Variants in DLG2 observed in about 807,000 individuals in gnomAD.
DLG2 encodes disks large homolog 2.
DLG2 carries 45 observed loss-of-function variants against 132.5 expected under a neutral mutation model. The observed-to-expected ratio is 0.34, with a 90% CI of 0.27 to 0.44. The LOEUF (loss-of-function observed/expected upper bound fraction) is 0.44, where lower values mean the gene tolerates loss of function less well. DLG2 is among the 20% of genes least tolerant of loss of function. The probability of loss-of-function intolerance (pLI) is 1.00; values close to 1 mark genes in which losing one functional copy is unlikely to be tolerated. For synonymous variants in DLG2, 424 were observed against 419.6 expected, an observed-to-expected ratio of 1.01 and a Z score of -0.13; for missense variants, 1,045 against 1,196.9, an observed-to-expected ratio of 0.87 and a Z score of 1.87.
chr11:83,908,559 G>A (rs577372069), intron 15 of DLG2, among the ~76,000 whole-genome samples: 1 of 152,044 alleles, frequency 6.6e-6, no homozygotes, highest in South Asian at 2.1e-4. Flanking sequence ...TCACACCCAC[G>A]ATTAGCATTT....
At chr11:85,296,621 C>T (rs182710604) in intron 3 of DLG2, among the ~76,000 whole-genome samples, 2 of 151,292 alleles carry the variant, frequency 1.3e-5, no homozygotes, top group Admixed American at 1.3e-4. Context: ...TATTTTTTGG[C>T]AGATTAATAA....
At chr11:84,704,277 G>A (rs1423750121) in intron 6 of DLG2, among the ~76,000 whole-genome samples, 1 of 151,372 alleles carries the variant, frequency 6.6e-6, no homozygotes, top group Non-Finnish European at 1.5e-5. Flanking sequence ...AAATTATAAG[G>A]AGTCTAAATC....
At chr11:84,201,636 T>C (rs987542110) in intron 8 of DLG2, among the ~76,000 whole-genome samples, 1 of 151,292 alleles carries the variant, frequency 6.6e-6, no homozygotes, top group Non-Finnish European at 1.5e-5. Flanking sequence ...ACAGAACACA[T>C]TACTGGTCTA....
At chr11:83,997,420 C>T (rs2094100953) in intron 11 of DLG2, among the ~76,000 whole-genome samples, 1 of 151,912 alleles carries the variant, frequency 6.6e-6, no homozygotes, top group South Asian at 2.1e-4. Flanking sequence ...TTTAACTTGG[C>T]CTGATAAAAA....
At chr11:85,338,392 G>A (rs2082267010) in intron 3 of DLG2, among the ~76,000 whole-genome samples, 1 of 152,124 alleles carries the variant, frequency 6.6e-6, no homozygotes, top group African/African-American at 2.4e-5. Context: ...TTATGATAAT[G>A]TTTTCACAGT....
chr11:83,556,843 C>T (rs662545), intron 19 of DLG2, among the ~76,000 whole-genome samples: 47,794 of 152,056 alleles, frequency 0.31, 8,532 homozygotes, highest in Admixed American at 0.47. Context: ...GGAAGGCAAG[C>T]TGGGATGATG....
At chr11:84,575,336 C>T (rs1179656756) in intron 6 of DLG2, among the ~76,000 whole-genome samples, 2 of 152,060 alleles carry the variant, frequency 1.3e-5, no homozygotes, top group Admixed American at 6.6e-5. Flanking sequence ...CCCACACCCC[C>T]CATGGAGCAT....
chr11:85,177,286 TAC>T (rs149186312), intron 4 of DLG2, among the ~76,000 whole-genome samples: 16,668 of 136,102 alleles, frequency 0.12, 1,216 homozygotes, highest in East Asian at 0.32. Context: ...TATATACATA[TAC>T]ACACACACAC....
chr11:84,055,149 T>G (rs542280635), intron 11 of DLG2, among the ~76,000 whole-genome samples: 120 of 152,192 alleles, frequency 7.9e-4, no homozygotes, highest in African/African-American at 2.8e-3. Context: ...AGGTTCCCTC[T>G]GTCCTCAGAG....
chr11:83,705,365 T>C (rs2083734114), intron 18 of DLG2, among the ~76,000 whole-genome samples: 2 of 152,196 alleles, frequency 1.3e-5, no homozygotes, highest in Non-Finnish European at 2.9e-5. Context: ...ATATCTGAAT[T>C]TTCCATATAG....
chr11:83,457,657 C>T lies in DLG2; in HGVS notation c.*2161G>A, dbSNP rs1237375122. The T allele has an allele frequency of 2.6e-5, 4 of 152,256 alleles. No homozygotes were observed. Among genetic ancestry groups the T allele is most frequent in the Non-Finnish European group, 5.9e-5 (4 of 68,028 alleles). The allele number at this position is 152,256 out of a possible 1,614,324, so 9.4% of individuals were successfully genotyped here. On this transcript the variant is annotated 3_prime_UTR_variant, in exon 28 of 28. Coordinates refer to ENST00000376104, the MANE Select transcript of DLG2 (RefSeq NM_001142699.3). ...AATGGTTGCATGCTCAGTTGAGAAA[C>T]CAAAGAAGTTATCGTGGTGGCCTAA...
intron 4 of DLG2, among the ~76,000 whole-genome samples, chr11:85,200,515 G>T (rs1187670450): frequency 6.6e-6 from 1 of 152,134 alleles, no homozygotes; most frequent in Admixed American, 6.5e-5. Flanking sequence ...TCCCAAGGCG[G>T]CCCAGTCTCA....
At chr11:85,352,741 A>G (rs1247192484) in intron 3 of DLG2, among the ~76,000 whole-genome samples, 1 of 152,212 alleles carries the variant, frequency 6.6e-6, no homozygotes, top group African/African-American at 2.4e-5. Flanking sequence ...TCGGGAAAGG[A>G]TTCCCTATTT....
chr11:84,027,459 C>T (rs2095567046), intron 11 of DLG2, among the ~76,000 whole-genome samples: 1 of 151,710 alleles, frequency 6.6e-6, no homozygotes, highest in Non-Finnish European at 1.5e-5. Flanking sequence ...AACATGAAGC[C>T]TCTTGAAGAA....
intron 18 of DLG2, among the ~76,000 whole-genome samples, chr11:83,710,310 C>T (rs971332369): frequency 6.6e-6 from 1 of 151,988 alleles, no homozygotes; most frequent in African/African-American, 2.4e-5. Flanking sequence ...CTACAGGTAC[C>T]CGCCACCATG....
intron 4 of DLG2, among the ~76,000 whole-genome samples, chr11:85,211,381 A>G (rs543020405): frequency 6.6e-6 from 1 of 152,304 alleles, no homozygotes; most frequent in East Asian, 1.9e-4. Flanking sequence ...TAAACAGTTA[A>G]TAATTTAAAT....
At chr11:84,238,042 T>TAAA (rs71036414) in intron 8 of DLG2, among the ~76,000 whole-genome samples, 60 of 72,838 alleles carry the variant, frequency 8.2e-4, no homozygotes, top group African/African-American at 1.0e-3. Flanking sequence ...AGACTCTGCC[T>TAAA]AAAAAAAAAA....
intron 7 of DLG2, among the ~76,000 whole-genome samples, chr11:84,443,005 A>G (rs757342333): frequency 3.3e-5 from 5 of 152,166 alleles, no homozygotes. Context: ...GCAGATGGAT[A>G]TATTTCTGCA....
At position 84,451,527 on chromosome 11, in the gene DLG2, A is replaced by T. The variant is rs1342720332; in HGVS notation, c.519+83043T>A. Among the ~76,000 whole-genome samples, 5 of 151,984 alleles carry T rather than the reference A, an allele frequency of 3.3e-5. No homozygotes were observed. In the South Asian group the frequency reaches 6.2e-4, roughly 19 times the overall value. On this transcript the variant is annotated intron_variant, in intron 7 of 27. Coordinates refer to ENST00000376104, the MANE Select transcript of DLG2 (RefSeq NM_001142699.3). Reference sequence around the variant, plus strand: ...TATGCTAAGTTTTAGATATATTCAGATTTTAATGCCCCTGGAAAACTCGGG... The same window carrying T: ...TATGCTAAGTTTTAGATATATTCAGTTTTTAATGCCCCTGGAAAACTCGGG...
Sources: gnomAD v4.1 joint callset for allele counts (sites outside exome capture counted in the v4.1 genomes callset) on GRCh38, gnomAD v4.1.1 for gene constraint, MANE v1.5 for transcripts, NCBI Gene and HGNC (gene_info 2026-07-23, HGNC 2026-07-21) for gene names.